CIAO3: variants seen among roughly 807,000 people sequenced by gnomAD.
CIAO3 encodes LET1 like/JFP15.
Under a neutral mutation model 51.5 loss-of-function variants are expected in CIAO3, and 45 were observed. The observed-to-expected ratio is 0.87, with a 90% CI of 0.69 to 1.12. The LOEUF (loss-of-function observed/expected upper bound fraction) is 1.12. CIAO3 is among the 50% of genes most tolerant of loss of function. The pLI is 0.00. For missense variants in CIAO3, 668 were observed against 632.5 expected (o/e 1.06, Z -0.60); for synonymous variants, 314 against 269.3 (o/e 1.17, Z -1.63).
chr16:733,968 G>T, intron 6 of CIAO3: 1 of 478,892 alleles, frequency 2.1e-6, no homozygotes, highest in South Asian at 2.0e-5. Context: ...CTCCAGGCCC[G>T]GACTGCCCAG....
intron 9 of CIAO3, 151 bp downstream of exon 9, chr16:731,414 G>T (rs1199310251): frequency 1.8e-6 from 2 of 1,125,490 alleles, no homozygotes; most frequent in Non-Finnish European, 2.4e-6. Flanking sequence ...CGCCAGGAGG[G>T]CCCTGCCTGG....
At chr16:732,487 C>G in intron 7 of CIAO3, 114 bp from the exon 8 acceptor site, 1 of 1,206,716 alleles carries the variant, frequency 8.3e-7, no homozygotes, top group Non-Finnish European at 1.2e-6. Flanking sequence ...CAGAAGGCCC[C>G]AAATGTCCAC....
At chr16:732,791 C>T (rs749709024) in intron 7 of CIAO3, 54 of 336,148 alleles carry the variant, frequency 1.6e-4, no homozygotes, top group Admixed American at 4.1e-4. Context: ...AGCACCACCA[C>T]TACTCCCGGC....
At chr16:734,667 G>C (rs1348341449) in intron 5 of CIAO3, 70 bp downstream of exon 5, 5 of 1,611,118 alleles carry the variant, frequency 3.1e-6, no homozygotes, top group Non-Finnish European at 4.2e-6. Flanking sequence ...CTTGTCATTT[G>C]TGTCCATATC....
intron 3 of CIAO3, chr16:736,961 G>T: frequency 1.7e-6 from 1 of 587,552 alleles, no homozygotes; most frequent in Non-Finnish European, 3.0e-6. Flanking sequence ...CCCGCGCCCA[G>T]TAGGGGTGTC....
intron 1 of CIAO3, 37 bp downstream of exon 1, chr16:740,883 A>G (rs1264433535): frequency 6.6e-7 from 1 of 1,518,644 alleles, no homozygotes; most frequent in Non-Finnish European, 8.8e-7. Context: ...CAGGGCACCG[A>G]GCGCAGCCTC....
chr16:738,222 G>C, intron 2 of CIAO3: 1 of 989,444 alleles, frequency 1.0e-6, no homozygotes, highest in African/African-American at 1.7e-5. Context: ...ACCTTCCAGG[G>C]GTTCCCTTCG....
intron 8 of CIAO3, 35 bp downstream of exon 8, chr16:732,266 C>T (rs1335941327): frequency 1.3e-6 from 2 of 1,580,858 alleles, no homozygotes; most frequent in Non-Finnish European, 8.6e-7. Flanking sequence ...GCGTTAGAAG[C>T]TAAAATAACA....
intron 7 of CIAO3, 159 bp downstream of exon 7, chr16:733,139 G>T: frequency 2.2e-6 from 2 of 922,838 alleles, no homozygotes; most frequent in Non-Finnish European, 3.2e-6. Context: ...GGCCCACCTG[G>T]CTCCAAGGGG....
chr16:734,124 C>T, intron 6 of CIAO3, 105 bp downstream of exon 6: 2 of 1,010,162 alleles, frequency 2.0e-6, no homozygotes, highest in South Asian at 1.3e-5. Context: ...GAAGGCCGCA[C>T]AGCACAGCGA....
Position 737,238 on chromosome 16 carries a change from A to G in CIAO3, c.254T>C (p.Leu85Pro). ...SGCITSAETV[L>P]ITQQSHEELK... ...CTCCTCGTGGCTCTGCTGGGTGATA[A>G]GCACGGTCTCTGCGGAGGTGATGCA... Residue 85 changes from leucine (L) to proline (P), a missense_variant, in exon 3 of 11, where the codon CTT becomes CCT. Transcript: ENST00000251588. This position sits in a 1 kb window ranked among gnomAD's most constrained non-coding sequence, Gnocchi z 5.3. 1.2e-6 allele frequency: 2 copies of G among 1,613,720 alleles called. No individual in the cohort carries two copies. The highest frequency in any genetic ancestry group is 1.7e-6 in the Non-Finnish European group (2 of 1,180,016).
rs944596657 is a variant in CIAO3 at position 734,076 on chromosome 16, C to T, written c.693+153G>A. Reference sequence around the variant, plus strand: ...GCCCTCTGCTGCAGAAGAGGAAGGGCCTGAACCAGGAGGGAACAAGGGTGG... The same window carrying T: ...GCCCTCTGCTGCAGAAGAGGAAGGGTCTGAACCAGGAGGGAACAAGGGTGG... On this transcript the variant is annotated intron_variant, in intron 6 of 10. Transcript: ENST00000251588. 2.0e-5 allele frequency: 14 copies of T among 694,316 alleles called. No homozygotes were observed. In the Middle Eastern group the frequency reaches 3.0e-3, roughly 151 times the overall value. 43.0% of individuals were successfully genotyped at this position (694,316 alleles called of 1,614,324 possible).
chr16:738,264 A>G, intron 2 of CIAO3: 1 of 987,380 alleles, frequency 1.0e-6, no homozygotes, highest in Non-Finnish European at 1.2e-6. Flanking sequence ...GCTGGGCTGG[A>G]AATCGTCTCT....
intron 7 of CIAO3, chr16:732,639 CT>C: frequency 1.9e-6 from 1 of 522,508 alleles, no homozygotes; most frequent in African/African-American, 2.0e-5. Context: ...AGGCAGTCTG[CT>C]TTTCTTTTTT....
At position 732,392 on chromosome 16, in the gene CIAO3, G is replaced by A. The variant is rs1365388758; in HGVS notation, c.824-19C>T. ...ACTTCTCCTGCAAAGAAGCCACAGC[G>A]CAGACACTCTTTAGCGGAGATCCCA... On this transcript the variant is annotated intron_variant, in intron 7 of 10. Coordinates refer to ENST00000251588, the MANE Select transcript of CIAO3 (RefSeq NM_022493.3). 3.4e-5 allele frequency: 55 copies of A among 1,612,172 alleles called. No individual in the cohort carries two copies. The highest frequency in any genetic ancestry group is 1.6e-4 in the Middle Eastern group (1 of 6,084).
rs202243971 is a variant in CIAO3 at position 730,615 on chromosome 16, C to T, written c.1233G>A (p.Arg411=). The part of the protein sequence containing the change: ...NGGGQLQAPD[R]PSRELLQHVE... ...CGTGCTGGAGGAGCTCTCTGCTGGGCCTGTCTGGGGCCTGGAGCTGGCCCC... is the reference window on the plus strand; with the variant it reads ...CGTGCTGGAGGAGCTCTCTGCTGGGTCTGTCTGGGGCCTGGAGCTGGCCCC... Residue 411 remains arginine, a synonymous_variant, in exon 11 of 11, where the codon AGG becomes AGA. Transcript: ENST00000251588. The T allele has an allele frequency of 2.5e-6, 4 of 1,610,380 alleles. No homozygotes were observed. The highest frequency in any genetic ancestry group is 2.5e-6 in the Non-Finnish European group (3 of 1,179,914).
chr16:732,566 C>T lies in CIAO3; in HGVS notation c.824-193G>A, dbSNP rs760870607. 3 of 694,148 alleles carry T rather than the reference C, an allele frequency of 4.3e-6. No homozygotes were observed. In the East Asian group the frequency reaches 8.4e-5, roughly 20 times the overall value. The allele number at this position is 694,148 out of a possible 1,614,324, so 43.0% of individuals were successfully genotyped here. On this transcript the variant is annotated intron_variant, in intron 7 of 10. Coordinates refer to ENST00000251588, the MANE Select transcript of CIAO3 (RefSeq NM_022493.3). ...CCCTCTGGAGGCTGCCTGGTCCTGC[C>T]CAGGGAGGTGTGCCAGCGGCCAGGC...
chr16:730,077 A>G lies in CIAO3; in HGVS notation c.*340T>C. The stretch of plus-strand genomic sequence containing the variant: ...GCTCTGCCTCAGGCAACCCCGGGAC[A>G]GGCTGAAGCCCCTCACGCACTTGGG... On this transcript the variant is annotated 3_prime_UTR_variant, in exon 11 of 11. Coordinates refer to ENST00000251588, the MANE Select transcript of CIAO3 (RefSeq NM_022493.3). The G allele has an allele frequency of 2.3e-6, 1 of 438,026 alleles. No homozygotes were observed. The highest frequency in any genetic ancestry group is 3.9e-5 in the Admixed American group (1 of 25,330). The allele number at this position is 438,026 out of a possible 1,614,324, so 27.1% of individuals were successfully genotyped here.
intron 9 of CIAO3, 45 bp from the exon 10 acceptor site, chr16:731,045 G>C (rs2041273870): frequency 6.2e-7 from 1 of 1,604,012 alleles, no homozygotes; most frequent in Non-Finnish European, 8.5e-7. Flanking sequence ...CACCCACCAG[G>C]CTCCTGCCTG....
Sources: gnomAD v4.1 joint callset for allele counts on GRCh38, gnomAD v4.1.1 for gene constraint, Gnocchi (gnomAD v3.1) non-coding constraint, MANE v1.5 for transcripts, NCBI Gene and HGNC (gene_info 2026-07-23, HGNC 2026-07-21) for gene names.